PPP2R3B: variants seen among roughly 807,000 people sequenced by gnomAD.
PPP2R3B encodes the protein protein phosphatase 2 regulatory subunit B''beta.
Under a neutral mutation model 72.9 loss-of-function variants are expected in PPP2R3B, and 68 were observed. The observed-to-expected ratio is 0.93, with a 90% confidence interval of 0.77 to 1.14. The LOEUF (loss-of-function observed/expected upper bound fraction) is 1.14. PPP2R3B is among the 50% of genes most tolerant of loss of function. The probability of loss-of-function intolerance (pLI) is 0.00; values close to 1 mark genes in which losing one functional copy is unlikely to be tolerated. For missense variants in PPP2R3B, 1,018 were observed against 842.0 expected (o/e 1.21, Z -2.59); for synonymous variants, 466 against 375.8 (o/e 1.24, Z -2.78).
Position 363,828 on chromosome X carries a change from G to A in PPP2R3B, c.325-2238C>T, listed in dbSNP as rs145192049. The stretch of plus-strand genomic sequence containing the variant: ...CTGGGTTCACACAGCTCTGCTATTT[G>A]GGGTACGGAACTGACCCCGCGAATA... On this transcript the variant is annotated intron_variant, in intron 1 of 12. Coordinates refer to ENST00000390665, the MANE Select transcript of PPP2R3B (RefSeq NM_013239.5). Among the ~76,000 whole-genome samples the A allele has an allele frequency of 1.9e-3, 295 of 152,344 alleles. 1 individual carries two copies. Among genetic ancestry groups the A allele is most frequent in the African/African-American group, 6.7e-3 (278 of 41,578 alleles).
In PPP2R3B at chrX:347,817, A is replaced by C. The variant is rs1398253648; in HGVS notation, c.511-124T>G. The C allele has an allele frequency of 1.3e-5, 9 of 700,336 alleles. No homozygotes were observed. In the East Asian group the frequency reaches 2.0e-4, roughly 15 times the overall value. The allele number at this position is 700,336 out of a possible 1,614,324, so 43.4% of individuals were successfully genotyped here. A position where few individuals can be genotyped will look rare whatever the true frequency, so the allele number is the denominator to read the frequency against. On this transcript the variant is annotated intron_variant, in intron 2 of 12. Transcript: ENST00000390665. ...TGCTGCAGAAAGACACAGCACGCTCAGCGCGGCCTGTCTGGGCATCTGCAA... is the reference window on the plus strand; with the variant it reads ...TGCTGCAGAAAGACACAGCACGCTCCGCGCGGCCTGTCTGGGCATCTGCAA...
At chrX:341,466 GT>G in intron 8 of PPP2R3B, 70 bp from the exon 9 acceptor site, 1 of 1,532,342 alleles carries the variant, frequency 6.5e-7, no homozygotes, top group South Asian at 1.1e-5. Context: ...CGGAGCCCCT[GT>G]CCACGCGCCT....
At chrX:381,508 C>T (rs1569419631) in intron 1 of PPP2R3B, among the ~76,000 whole-genome samples, 2 of 151,834 alleles carry the variant, frequency 1.3e-5, no homozygotes, top group South Asian at 2.1e-4. Flanking sequence ...CCTCCCCAGC[C>T]AGAGTTTGTA....
At chrX:385,972 C>T (rs1024524399) in intron 1 of PPP2R3B, among the ~76,000 whole-genome samples, 1 of 152,130 alleles carries the variant, frequency 6.6e-6, no homozygotes, top group African/African-American at 2.4e-5. Flanking sequence ...GTCCCAGCTC[C>T]TCGGGAGCCT....
At chrX:376,161 A>G (rs2071987506) in intron 1 of PPP2R3B, among the ~76,000 whole-genome samples, 1 of 151,988 alleles carries the variant, frequency 6.6e-6, no homozygotes, top group African/African-American at 2.4e-5. Flanking sequence ...ACTGCACTGC[A>G]GCCTGGGGGA....
rs2070968882 is a variant in PPP2R3B, at chrX:338,821, T to G, written c.1427A>C (p.Lys476Thr). Residue 476 changes from lysine to threonine, a missense_variant, in exon 11 of 13, where the codon AAG (lysine) becomes ACG (threonine). Lys to Thr is a moderately conservative substitution (Grantham distance 78). Coordinates refer to ENST00000390665, the MANE Select transcript of PPP2R3B (RefSeq NM_013239.5). Reference protein sequence around the residue: ...VFFDTFFNIEKYLDHEQKEQI... With the variant: ...VFFDTFFNIETYLDHEQKEQI... ...CTCTTTCTGCTCGTGGTCGAGGTAC[T>G]TCTCGATGTTGAAGAAGGTGTCGAA... 2 of 1,612,448 alleles carry G rather than the reference T, an allele frequency of 1.2e-6. No homozygotes were observed. Among genetic ancestry groups the G allele is most frequent in the East Asian group, 4.5e-5 (2 of 44,878 alleles).
chrX:385,622 A>AAAAT (rs745496051), intron 1 of PPP2R3B, among the ~76,000 whole-genome samples: 25 of 151,810 alleles, frequency 1.6e-4, no homozygotes, highest in Non-Finnish European at 1.6e-4. Context: ...CGTCTCTGCA[A>AAAAT]AAATAAATAA....
intron 12 of PPP2R3B, chrX:337,372 G>C (rs778653829): frequency 6.6e-6 from 1 of 152,206 alleles, no homozygotes; most frequent in Non-Finnish European, 1.5e-5. Context: ...GAGCCACCGC[G>C]CCCGGCCAGA....
intron 1 of PPP2R3B, chrX:373,680 C>T: frequency 5.6e-6 from 1 of 177,816 alleles, no homozygotes. Context: ...CAGGGCTCTC[C>T]GCGGGCCGGG....
chrX:347,411 C>A, intron 3 of PPP2R3B, 75 bp from the exon 4 acceptor site: 1 of 1,446,268 alleles, frequency 6.9e-7, no homozygotes, highest in Non-Finnish European at 9.7e-7. Flanking sequence ...GGGTGGAACA[C>A]GTGTGTGGTG....
At chrX:383,482 T>C (rs1466889114) in intron 1 of PPP2R3B, among the ~76,000 whole-genome samples, 1 of 152,144 alleles carries the variant, frequency 6.6e-6, no homozygotes, top group Admixed American at 6.6e-5. Context: ...CTATAACATC[T>C]GGAAGCAATG....
chrX:363,254 C>CACCATCCCACA (rs2071582144), intron 1 of PPP2R3B, among the ~76,000 whole-genome samples: 1 of 142,708 alleles, frequency 7.0e-6, no homozygotes, highest in Non-Finnish European at 1.5e-5. Flanking sequence ...TCCCCGAGCC[C>CACCATCCCACA]ATGATCCCGC....
chrX:363,477 C>T (rs2071596216), intron 1 of PPP2R3B, among the ~76,000 whole-genome samples: 1 of 151,126 alleles, frequency 6.6e-6, no homozygotes, highest in African/African-American at 2.4e-5. Flanking sequence ...CAATGCATCT[C>T]CCCGAGCCCA....
chrX:361,853 C>T (rs1460977124), intron 1 of PPP2R3B, among the ~76,000 whole-genome samples: 8 of 152,330 alleles, frequency 5.3e-5, no homozygotes, highest in Non-Finnish European at 1.2e-4. Flanking sequence ...TCACACCGAG[C>T]AGGGCCCTGG....
intron 1 of PPP2R3B, among the ~76,000 whole-genome samples, chrX:372,127 C>G (rs186908950): frequency 1.3e-5 from 2 of 152,250 alleles, no homozygotes; most frequent in African/African-American, 2.4e-5. Context: ...GAGCCCGCAC[C>G]GCCCAGCACC....
At chrX:378,240 G>A (rs1160443313) in intron 1 of PPP2R3B, among the ~76,000 whole-genome samples, 5 of 152,212 alleles carry the variant, frequency 3.3e-5, no homozygotes, top group Non-Finnish European at 2.9e-5. Flanking sequence ...TCCCTCTGCT[G>A]TCGGGACACA....
intron 1 of PPP2R3B, among the ~76,000 whole-genome samples, chrX:366,976 T>C (rs2071729082): frequency 1.3e-5 from 2 of 151,740 alleles, no homozygotes; most frequent in Admixed American, 6.5e-5. Context: ...TGCGGTGAGC[T>C]GAGGTCGCAC....
At chrX:373,752 C>T (rs2071924024) in intron 1 of PPP2R3B, 1 of 148,660 alleles carries the variant, frequency 6.7e-6, no homozygotes, top group African/African-American at 2.4e-5. Context: ...CAGGCGTGGC[C>T]CGGGCTCAGC....
intron 7 of PPP2R3B, 22 bp downstream of exon 7, chrX:345,494 C>T: frequency 6.2e-7 from 1 of 1,611,958 alleles, no homozygotes; most frequent in Non-Finnish European, 8.5e-7. Context: ...CGCGGCCCGC[C>T]CGCCCCTGTG....
Sources: gnomAD v4.1 joint callset for allele counts (sites outside exome capture counted in the v4.1 genomes callset) on GRCh38, gnomAD v4.1.1 for gene constraint, MANE v1.5 for transcripts, NCBI Gene and HGNC (gene_info 2026-07-23, HGNC 2026-07-21) for gene names.